Variants in DLG2 observed in about 807,000 individuals in gnomAD.
The protein encoded by DLG2 is disks large homolog 2.
A neutral mutation model predicts 132.5 loss-of-function variants in DLG2; 45 were observed. The observed-to-expected ratio is 0.34, with a 90% CI of 0.27 to 0.44. DLG2 has a LOEUF of 0.44. Ranked by LOEUF, DLG2 falls within the 20% of genes least tolerant of loss-of-function variation. DLG2 has a pLI of 1.00. For synonymous variants in DLG2, 424 were observed against 419.6 expected (o/e 1.01, Z -0.13); for missense variants, 1,045 against 1,196.9 (o/e 0.87, Z 1.87).
At chr11:83,784,701 A>G (rs897886543) in intron 18 of DLG2, among the ~76,000 whole-genome samples, 3 of 152,262 alleles carry the variant, frequency 2.0e-5, no homozygotes, top group African/African-American at 7.2e-5. Flanking sequence ...GAAGATCTAC[A>G]TTGATAGAAC....
chr11:85,453,292 C>A, intron 3 of DLG2: 2 of 284,374 alleles, frequency 7.0e-6, no homozygotes, highest in South Asian at 6.4e-5. Context: ...TAATATGAAT[C>A]TCTTTGAGCT....
At chr11:85,208,407 A>G (rs1347000607) in intron 4 of DLG2, among the ~76,000 whole-genome samples, 1 of 152,142 alleles carries the variant, frequency 6.6e-6, no homozygotes, top group Non-Finnish European at 1.5e-5. Flanking sequence ...GCTAGCGTAT[A>G]CTAAGATACC....
intron 3 of DLG2, among the ~76,000 whole-genome samples, chr11:85,340,812 G>C (rs2082440405): frequency 6.6e-6 from 1 of 152,110 alleles, no homozygotes; most frequent in Non-Finnish European, 1.5e-5. Flanking sequence ...TAGAATTTGA[G>C]TCATAGTAGA....
intron 8 of DLG2, among the ~76,000 whole-genome samples, chr11:84,232,778 C>T (rs1227127245): frequency 1.3e-5 from 2 of 152,138 alleles, no homozygotes; most frequent in Non-Finnish European, 2.9e-5. Flanking sequence ...TTAAGCCACC[C>T]AGTCTTCAGT....
chr11:84,508,970 A>G (rs186516125), intron 7 of DLG2, among the ~76,000 whole-genome samples: 2 of 152,366 alleles, frequency 1.3e-5, no homozygotes, highest in African/African-American at 4.8e-5. Context: ...ATGTATAAAA[A>G]TTAGGCACAA....
At chr11:83,618,545 C>T (rs2061174206) in intron 19 of DLG2, among the ~76,000 whole-genome samples, 2 of 152,000 alleles carry the variant, frequency 1.3e-5, no homozygotes, top group Non-Finnish European at 2.9e-5. Flanking sequence ...ATGGAAAAAG[C>T]GGAGGCCTAG....
chr11:84,188,353 AG>A (rs2096326338), intron 8 of DLG2, among the ~76,000 whole-genome samples: 1 of 152,162 alleles, frequency 6.6e-6, no homozygotes, highest in Non-Finnish European at 1.5e-5. Context: ...AATAACCATT[AG>A]TTTTCATGAT....
Position 85,478,214 on chromosome 11 carries a change from G to T in DLG2, c.40+120443C>A, listed in dbSNP as rs570770006. Reference sequence around the variant, plus strand: ...TATTTATTTATTTTGTAGAGAGAGGGTCTCACTATGTTGCCCAGGCTGGTC... The same window carrying T: ...TATTTATTTATTTTGTAGAGAGAGGTTCTCACTATGTTGCCCAGGCTGGTC... On this transcript the variant is annotated intron_variant, in intron 3 of 27. Transcript: ENST00000376104. Among the ~76,000 whole-genome samples the T allele has an allele frequency of 2.6e-5, 4 of 151,998 alleles. No individual in the cohort carries two copies. In the South Asian group the frequency reaches 6.2e-4, roughly 24 times the overall value.
intron 3 of DLG2, among the ~76,000 whole-genome samples, chr11:85,513,895 C>T (rs1293819736): frequency 6.6e-6 from 1 of 151,944 alleles, no homozygotes; most frequent in Non-Finnish European, 1.5e-5. Flanking sequence ...CTATTAATTA[C>T]CTTTCTAAAT....
intron 11 of DLG2, among the ~76,000 whole-genome samples, chr11:84,013,969 T>G (rs1483388): frequency 0.98 from 149,480 of 152,036 alleles, 73,489 homozygotes; most frequent in East Asian, 1. Context: ...GATGCTAACT[T>G]CTCATGGCTA....
chr11:84,761,142 TGG>T (rs917204030), intron 6 of DLG2, among the ~76,000 whole-genome samples: 2 of 152,182 alleles, frequency 1.3e-5, no homozygotes, highest in African/African-American at 4.8e-5. Context: ...TTGGTAACAC[TGG>T]GGTTGCAGGT....
Position 84,857,095 on chromosome 11 carries a change from T to C in DLG2, c.357+254566A>G, listed in dbSNP as rs76497829. ...TACCAATGGCTTCAAAGATGCCAAATAAAAATACCAACTTTTCTGGGCAAA... is the reference window on the plus strand; with the variant it reads ...TACCAATGGCTTCAAAGATGCCAAACAAAAATACCAACTTTTCTGGGCAAA... On this transcript the variant is annotated intron_variant, in intron 6 of 27. Coordinates refer to ENST00000376104, the MANE Select transcript of DLG2 (RefSeq NM_001142699.3). Among the ~76,000 whole-genome samples the C allele has an allele frequency of 6.9e-3, 1,040 of 150,562 alleles. 16 individuals carry two copies. The highest frequency in any genetic ancestry group is 0.024 in the African/African-American group (974 of 41,098).
At chr11:83,788,823 G>A (rs540484650) in intron 17 of DLG2, among the ~76,000 whole-genome samples, 207 of 152,306 alleles carry the variant, frequency 1.4e-3, no homozygotes, top group African/African-American at 4.1e-3. Context: ...TCCATTTCCA[G>A]TGGAACCACT....
intron 10 of DLG2, among the ~76,000 whole-genome samples, chr11:84,088,098 T>G (rs575340540): frequency 1.3e-5 from 2 of 152,302 alleles, no homozygotes; most frequent in South Asian, 4.1e-4. Flanking sequence ...AACTTCTTGA[T>G]AGTGTCCTTT....
chr11:84,526,588 G>A (rs1388207613), intron 7 of DLG2, among the ~76,000 whole-genome samples: 1 of 151,890 alleles, frequency 6.6e-6, no homozygotes, highest in Non-Finnish European at 1.5e-5. Context: ...CAGAGAGAGA[G>A]CACATTCACA....
At chr11:83,536,267 T>C (rs2095873954) in intron 20 of DLG2, among the ~76,000 whole-genome samples, 1 of 152,186 alleles carries the variant, frequency 6.6e-6, no homozygotes, top group South Asian at 2.1e-4. Flanking sequence ...GACCTCAAAA[T>C]TCAGAATAAA....
At chr11:85,384,658 T>C (rs1315264161) in intron 3 of DLG2, among the ~76,000 whole-genome samples, 1 of 152,218 alleles carries the variant, frequency 6.6e-6, no homozygotes, top group African/African-American at 2.4e-5. Flanking sequence ...AACCTCCACC[T>C]CCTGGGTTCA....
At chr11:85,512,780 G>A (rs1307433087) in intron 3 of DLG2, among the ~76,000 whole-genome samples, 1 of 152,044 alleles carries the variant, frequency 6.6e-6, no homozygotes, top group African/African-American at 2.4e-5. Context: ...AAAGCAGTGT[G>A]GAGATTTCTC....
chr11:84,281,020 C>T (rs928989487), intron 7 of DLG2, among the ~76,000 whole-genome samples: 1 of 151,820 alleles, frequency 6.6e-6, no homozygotes, highest in Non-Finnish European at 1.5e-5. Flanking sequence ...CGTGCCCGGC[C>T]TAGATAACTG....
Sources: allele counts gnomAD v4.1 joint callset (sites outside exome capture counted in the v4.1 genomes callset), GRCh38; gene constraint gnomAD v4.1.1; transcripts MANE v1.5; gene names NCBI Gene and HGNC (gene_info 2026-07-23, HGNC 2026-07-21).